PRMT3: variants seen among roughly 807,000 people sequenced by gnomAD.
PRMT3 encodes protein arginine N-methyltransferase 3.
Under a neutral mutation model 71.9 loss-of-function variants are expected in PRMT3, and 62 were observed. That is an observed-to-expected ratio of 0.86 (90% CI 0.70 to 1.07). PRMT3 has a LOEUF of 1.07. Ranked by LOEUF, PRMT3 falls within the 50% of genes least tolerant of loss-of-function variation. The pLI is 0.00. For synonymous variants in PRMT3, 213 were observed against 220.4 expected (o/e 0.97, Z 0.30); for missense variants, 663 against 643.0 (o/e 1.03, Z -0.34).
intron 15 of PRMT3, among the ~76,000 whole-genome samples, chr11:20,504,358 C>A (rs1851528283): frequency 6.6e-6 from 1 of 152,188 alleles, no homozygotes. Context: ...ATCTGTATGT[C>A]TGTCCTTGTG....
chr11:20,462,358 G>A (rs532465584), intron 12 of PRMT3, among the ~76,000 whole-genome samples, 191 bp downstream of exon 12: 2 of 152,120 alleles, frequency 1.3e-5, no homozygotes, highest in East Asian at 3.9e-4. Flanking sequence ...TCACTTCTCT[G>A]TATATTAAAA....
intron 13 of PRMT3, among the ~76,000 whole-genome samples, chr11:20,477,747 C>T (rs533680657): frequency 2.0e-5 from 3 of 150,970 alleles, no homozygotes; most frequent in Admixed American, 6.6e-5. Flanking sequence ...ATAGTAATGT[C>T]GTATTAATAG....
At chr11:20,395,991 G>A in intron 6 of PRMT3, 29 bp downstream of exon 6, 1 of 1,607,270 alleles carries the variant, frequency 6.2e-7, no homozygotes, top group Non-Finnish European at 8.5e-7. Context: ...AAAATTAATT[G>A]TTTTAGATCT....
At chr11:20,492,854 C>T (rs774319918) in intron 13 of PRMT3, among the ~76,000 whole-genome samples, 2 of 152,242 alleles carry the variant, frequency 1.3e-5, no homozygotes, top group East Asian at 1.9e-4. Flanking sequence ...GTCAGGAGTT[C>T]GAGACCAGCC....
chr11:20,498,789 A>AT (rs1182205945), intron 15 of PRMT3, among the ~76,000 whole-genome samples: 1 of 152,198 alleles, frequency 6.6e-6, no homozygotes, highest in African/African-American at 2.4e-5. Flanking sequence ...ATTGAATGAC[A>AT]TTTTGAAGTA....
chr11:20,470,387 C>T (rs1850614898), intron 13 of PRMT3, among the ~76,000 whole-genome samples: 1 of 152,124 alleles, frequency 6.6e-6, no homozygotes, highest in African/African-American at 2.4e-5. Context: ...CTTCCCTCAA[C>T]CTCCTCCCTC....
intron 10 of PRMT3, among the ~76,000 whole-genome samples, chr11:20,448,251 T>C (rs1490724489): frequency 6.6e-6 from 1 of 152,108 alleles, no homozygotes; most frequent in African/African-American, 2.4e-5. Context: ...AGTGGATATA[T>C]CCTCAAAGAA....
At chr11:20,416,690 G>A (rs921481994) in intron 9 of PRMT3, among the ~76,000 whole-genome samples, 5 of 151,758 alleles carry the variant, frequency 3.3e-5, no homozygotes, top group African/African-American at 4.8e-5. Context: ...TGCTAATTTC[G>A]AACAATAAAT....
rs1327570302 is a variant in PRMT3 at position 20,389,202 on chromosome 11, C to A, written c.165-542C>A. ...AAGTAGCCTTCAGATTTGCATGTCA[C>A]ATAATAAAGAGGATTGATCCTCACA... On this transcript the variant is annotated intron_variant, in intron 2 of 15. Coordinates refer to ENST00000331079, the MANE Select transcript of PRMT3 (RefSeq NM_005788.4). 4.6e-5 allele frequency among the ~76,000 whole-genome samples: 7 copies of A among 152,274 alleles called. No individual in the cohort carries two copies. In the East Asian group the frequency reaches 1.4e-3, roughly 29 times the overall value.
chr11:20,448,146 ATT>A (rs35376301), intron 10 of PRMT3, among the ~76,000 whole-genome samples: 1 of 150,982 alleles, frequency 6.6e-6, no homozygotes, highest in African/African-American at 2.4e-5. Flanking sequence ...GTGCTCATAG[ATT>A]TTTTTTTTCT....
intron 7 of PRMT3, among the ~76,000 whole-genome samples, chr11:20,399,003 T>G (rs1260182428): frequency 6.6e-6 from 1 of 152,224 alleles, no homozygotes; most frequent in Admixed American, 6.5e-5. Context: ...ATTATACATT[T>G]TATTAAGTAT....
At chr11:20,440,813 T>G (rs1849876880) in intron 10 of PRMT3, among the ~76,000 whole-genome samples, 1 of 152,196 alleles carries the variant, frequency 6.6e-6, no homozygotes, top group African/African-American at 2.4e-5. Context: ...ACTAATCCTT[T>G]ATTGGATATG....
At chr11:20,417,297 C>T (rs868363841) in intron 9 of PRMT3, among the ~76,000 whole-genome samples, 4 of 152,028 alleles carry the variant, frequency 2.6e-5, no homozygotes, top group East Asian at 1.9e-4. Flanking sequence ...ATGTATACTT[C>T]GATGACATAT....
chr11:20,395,825 G>A lies in PRMT3; in HGVS notation c.423G>A (p.Pro141=), dbSNP rs148831677. The A allele has an allele frequency of 1.2e-5, 19 of 1,611,076 alleles. No individual in the cohort carries two copies. Among genetic ancestry groups the A allele is most frequent in the African/African-American group, 9.4e-5 (7 of 74,716 alleles). ...TAGATGTAGAAGATCTTTATGAACC[G>A]GTGTCAGTACCCTTCTCATACCCCA... is the stretch of plus-strand genomic sequence containing the variant. The part of the protein sequence containing the change: ...LQFDVEDLYE[P]VSVPFSYPNG... The change falls in exon 6 of 16, where the codon CCG becomes CCA. Residue 141 remains proline, a synonymous_variant. Transcript: ENST00000331079.
At chr11:20,388,290 A>T in intron 2 of PRMT3, 136 bp downstream of exon 2, 4 of 1,319,900 alleles carry the variant, frequency 3.0e-6, no homozygotes, top group Non-Finnish European at 4.1e-6. Context: ...GTCTGGGGTG[A>T]GGGCTTGTGG....
chr11:20,394,917 C>G (rs1036900411), intron 5 of PRMT3, among the ~76,000 whole-genome samples: 3 of 152,142 alleles, frequency 2.0e-5, no homozygotes, highest in African/African-American at 7.2e-5. Flanking sequence ...TAAGCAATAT[C>G]TGAATTTAAT....
At chr11:20,504,707 T>TGAGTGAGA (rs1555026060) in intron 15 of PRMT3, among the ~76,000 whole-genome samples, 8 of 133,646 alleles carry the variant, frequency 6.0e-5, no homozygotes, top group African/African-American at 1.8e-4. Flanking sequence ...TGTGTGTGTG[T>TGAGTGAGA]GAGAGAGAGA....
chr11:20,410,858 C>A (rs1278130023), intron 9 of PRMT3, among the ~76,000 whole-genome samples: 4 of 151,968 alleles, frequency 2.6e-5, no homozygotes, highest in African/African-American at 9.7e-5. Context: ...GAAATATGTC[C>A]CTGATTCAGC....
At chr11:20,484,340 G>C (rs1438655160) in intron 13 of PRMT3, among the ~76,000 whole-genome samples, 1 of 152,162 alleles carries the variant, frequency 6.6e-6, no homozygotes, top group African/African-American at 2.4e-5. Context: ...GCTGCCCAGA[G>C]GAAATAATAT....
Sources: gnomAD v4.1 joint callset for allele counts (sites outside exome capture counted in the v4.1 genomes callset) on GRCh38, gnomAD v4.1.1 for gene constraint, MANE v1.5 for transcripts, NCBI Gene and HGNC (gene_info 2026-07-23, HGNC 2026-07-21) for gene names.